The following CCNL2 variants were observed in gnomAD, a reference collection of about 807,000 sequenced individuals.
CCNL2 encodes cyclin L2, also known as cyclin-L2.
CCNL2 carries 28 observed loss-of-function variants against 59.1 expected under a neutral mutation model. The ratio of observed to expected loss-of-function variants is 0.47; its 90% confidence interval spans 0.35 to 0.65. CCNL2 has a LOEUF of 0.65. CCNL2 is among the 30% of genes least tolerant of loss of function. CCNL2 has a pLI of 0.00. For synonymous variants in CCNL2, 342 were observed against 288.6 expected (o/e 1.19, Z -1.88); for missense variants, 714 against 717.4 (o/e 1.00, Z 0.05).
chr1:1,397,740 C>T (rs1240744), intron 3 of CCNL2, among the ~76,000 whole-genome samples: 1 of 152,144 alleles, frequency 6.6e-6, no homozygotes, highest in Non-Finnish European at 1.5e-5. Context: ...TGGCGTGCTC[C>T]TATAGTCCCA....
chr1:1,387,613 T>C, intron 10 of CCNL2, 31 bp from the exon 11 acceptor site: 1 of 1,462,430 alleles, frequency 6.8e-7, no homozygotes, highest in Non-Finnish European at 9.1e-7. Flanking sequence ...ACCACACGTG[T>C]GACCATCTGG....
intron 4 of CCNL2, among the ~76,000 whole-genome samples, chr1:1,394,328 T>A (rs1644901327): frequency 6.6e-6 from 1 of 152,156 alleles, no homozygotes; most frequent in Non-Finnish European, 1.5e-5. Flanking sequence ...TGAGGGACCG[T>A]GTCACGGCCA....
chr1:1,387,108 T>C lies in CCNL2; in HGVS notation c.*123A>G, dbSNP rs922642554. The stretch of plus-strand genomic sequence containing the variant: ...ACAGACATTTCCAAAAAGAATCCTG[T>C]TCTAGGACCACTTGCGCTGAGAGCA... On this transcript the variant is annotated 3_prime_UTR_variant, in exon 11 of 11. Coordinates refer to ENST00000400809, the MANE Select transcript of CCNL2 (RefSeq NM_030937.6). 1.2e-5 allele frequency: 9 copies of C among 724,188 alleles called. No homozygotes were observed. Among genetic ancestry groups the C allele is most frequent in the South Asian group, 7.2e-5 (4 of 55,904 alleles). The allele number at this position is 724,188 out of a possible 1,614,324, so 44.9% of individuals were successfully genotyped here. A position where few individuals can be genotyped will look rare whatever the true frequency, so the allele number is the denominator to read the frequency against.
At position 1,399,079 on chromosome 1, in the gene CCNL2, G is replaced by T. The variant is rs1478088222; in HGVS notation, c.228C>A (p.Asp76Glu). 6.2e-7 allele frequency: 1 copy of T among 1,611,436 alleles called. No homozygotes were observed. The highest frequency in any genetic ancestry group is 8.5e-7 in the Non-Finnish European group (1 of 1,179,322). Residue 76 changes from aspartate to glutamate, a missense_variant, in exon 1 of 11, where the codon GAC (aspartate) becomes GAA (glutamate). Physicochemically the swap from Asp to Glu is conservative, Grantham distance 45 (BLOSUM62 2). Around this residue, in one of 5 missense-constraint regions of CCNL2, gnomAD observed 270 missense variants for 254.9 expected, o/e 1.06. Coordinates refer to ENST00000400809, the MANE Select transcript of CCNL2 (RefSeq NM_030937.6). ...SSGLDTDTET[D>E]LRVVGCELIQ... ...TGAGCTCGCAGCCCACCACGCGGAG[G>T]TCGGTCTCTGTGTCGGTGTCGAGGC...
chr1:1,387,696 C>CCA, intron 10 of CCNL2, 81 bp downstream of exon 10: 1 of 1,452,732 alleles, frequency 6.9e-7, no homozygotes, highest in South Asian at 1.2e-5. Context: ...AAACAAGAAA[C>CCA]CACCTCAGGG....
chr1:1,390,318 TTCGA>T lies in CCNL2; in HGVS notation c.914_917del (p.Ile305LysfsTer47). ...GGCCCCGGGCTTGGGCCTTTGCCTC[TTCGA>T]TAGCGTGCTTTCTTTTTTCCACTTC... On this transcript the variant is annotated frameshift_variant, in exon 8 of 11. Transcript: ENST00000400809. LOFTEE classifies it high-confidence loss of function. 6.2e-7 allele frequency: 1 copy of T among 1,613,996 alleles called. No homozygotes were observed. The highest frequency in any genetic ancestry group is 8.5e-7 in the Non-Finnish European group (1 of 1,179,912).
rs1465292811 is a variant in CCNL2, at chr1:1,386,577, T to G, written c.*654A>C. On this transcript the variant is annotated 3_prime_UTR_variant, in exon 11 of 11. Transcript: ENST00000400809. ...CTATTTAGGAGCTGGTGGCCTGCAC[T>G]CAGCACCGCACAGATAAAAATATAC... The G allele has an allele frequency of 6.6e-6, 1 of 152,612 alleles. No homozygotes were observed. Among genetic ancestry groups the G allele is most frequent in the African/African-American group, 2.4e-5 (1 of 41,450 alleles). 9.5% of individuals were successfully genotyped at this position (152,612 alleles called of 1,614,324 possible).
chr1:1,395,383 C>T lies in CCNL2; in HGVS notation c.594+11G>A, dbSNP rs373228349. ...CTAGGCGGGCTCGCAGGGCAGGAGC[C>T]GCACACCCACCTTATGAGGATGCTT... On this transcript the variant is annotated intron_variant, in intron 4 of 10. Transcript: ENST00000400809. The T allele has an allele frequency of 1.7e-5, 27 of 1,613,820 alleles. No homozygotes were observed. Among genetic ancestry groups the T allele is most frequent in the Non-Finnish European group, 2.2e-5 (26 of 1,179,928 alleles).
rs1644964244 is a variant in CCNL2 at position 1,395,409 on chromosome 1, C to T, written c.579G>A (p.Val193=). ...VLKELGFCVH[V]KHPHKIIVMY... is the part of the protein sequence containing the mutation. Reference sequence around the variant, plus strand: ...GCACACCCACCTTATGAGGATGCTTCACATGGACGCAGAAACCCAACTCTT... The same window carrying T: ...GCACACCCACCTTATGAGGATGCTTTACATGGACGCAGAAACCCAACTCTT... Residue 193 remains valine, a synonymous_variant, in exon 4 of 11, where the codon GTG becomes GTA. Transcript: ENST00000400809. The T allele has an allele frequency of 1.2e-6, 2 of 1,614,080 alleles. No individual in the cohort carries two copies. Among genetic ancestry groups the T allele is most frequent in the South Asian group, 2.2e-5 (2 of 91,094 alleles).
intron 8 of CCNL2, 96 bp downstream of exon 8, chr1:1,390,132 AAT>A: frequency 1.0e-4 from 120 of 1,188,350 alleles, no homozygotes; most frequent in Admixed American, 9.2e-4. Context: ...AAAAAAAAAA[AAT>A]GTCTGGAAGG....
chr1:1,390,434 G>C lies in CCNL2; in HGVS notation c.864+25C>G, dbSNP rs752789745. The C allele has an allele frequency of 3.1e-6, 5 of 1,612,378 alleles. No individual in the cohort carries two copies. The East Asian group carries it at 6.7e-5, about 22-fold the overall frequency. ...TTTCTGGCCAAACACAAACGCATAC[G>C]TTACATGAAAAAATGCCGAAGAACC... On this transcript the variant is annotated intron_variant, in intron 7 of 10. Transcript: ENST00000400809.
chr1:1,387,901 A>G (rs1393731045), intron 9 of CCNL2, 32 bp from the exon 10 acceptor site: 1 of 1,613,640 alleles, frequency 6.2e-7, no homozygotes, highest in Non-Finnish European at 8.5e-7. Context: ...GTTACAAAGC[A>G]GAAGTCCCTC....
intron 3 of CCNL2, among the ~76,000 whole-genome samples, chr1:1,397,383 C>T (rs1020463687): frequency 2.6e-5 from 4 of 152,200 alleles, no homozygotes; most frequent in Non-Finnish European, 5.9e-5. Context: ...CAGCCTCAAT[C>T]TCCTGGCCTC....
chr1:1,386,920 C>T lies in CCNL2; in HGVS notation c.*311G>A, dbSNP rs537413450. The stretch of plus-strand genomic sequence containing the variant: ...GATAGCACCAGGCCATGCCAGGCCA[C>T]GCCAACAAGGGCGTGTGCATTCACT... On this transcript the variant is annotated 3_prime_UTR_variant, in exon 11 of 11. Transcript: ENST00000400809. 2.2e-5 allele frequency: 7 copies of T among 321,802 alleles called. No individual in the cohort carries two copies. Among genetic ancestry groups the T allele is most frequent in the East Asian group, 5.1e-5 (1 of 19,764 alleles). 19.9% of individuals were successfully genotyped at this position (321,802 alleles called of 1,614,324 possible).
chr1:1,398,247 C>G lies in CCNL2; in HGVS notation c.459G>C (p.Gln153His). 1 of 1,614,036 alleles carries G rather than the reference C, an allele frequency of 6.2e-7. No homozygotes were observed. The highest frequency in any genetic ancestry group is 8.5e-7 in the Non-Finnish European group (1 of 1,179,998). Residue 153 changes from glutamine (Q) to histidine (H), a missense_variant, in exon 3 of 11, where the codon CAG becomes CAC. Physicochemically the swap from Gln to His is conservative, Grantham distance 24 (BLOSUM62 0). This residue lies in a region of CCNL2 where 270 missense variants were observed against 254.9 expected (regional missense o/e 1.06). Transcript: ENST00000400809. The stretch of plus-strand genomic sequence containing the variant: ...GACTGACTCACTTTTTGTCTCTCAG[C>G]TGTCGAAGGCGGTGAAACACATTGA... ...DVINVFHRLR[Q>H]LRDKKKPVPL...
At chr1:1,393,184 G>A in intron 5 of CCNL2, 1 of 592,660 alleles carries the variant, frequency 1.7e-6, no homozygotes, top group Non-Finnish European at 3.0e-6. Flanking sequence ...AGGAAGTCCA[G>A]GCTTGCAGGG....
At chr1:1,394,111 C>A (rs536268794) in intron 4 of CCNL2, among the ~76,000 whole-genome samples, 2 of 146,680 alleles carry the variant, frequency 1.4e-5, no homozygotes, top group African/African-American at 2.5e-5. Flanking sequence ...GACAACAGAG[C>A]GAGATTCCGT....
At chr1:1,392,301 T>C (rs1361888786) in intron 5 of CCNL2, 6 of 970,544 alleles carry the variant, frequency 6.2e-6, no homozygotes, top group Non-Finnish European at 7.4e-6. Context: ...TATAAACTTA[T>C]TGCTGTATTT....
chr1:1,385,943 A>G lies in CCNL2; in HGVS notation c.*1288T>C, dbSNP rs1644440902. ...GAGGGGGGGTCCCACCAGCTATCTAATGCAGGATTCCATCAAAAAAGTCAT... is the reference window on the plus strand; with the variant it reads ...GAGGGGGGGTCCCACCAGCTATCTAGTGCAGGATTCCATCAAAAAAGTCAT... On this transcript the variant is annotated 3_prime_UTR_variant, in exon 11 of 11. Coordinates refer to ENST00000400809, the MANE Select transcript of CCNL2 (RefSeq NM_030937.6). 6.6e-6 allele frequency: 1 copy of G among 152,098 alleles called. No individual in the cohort carries two copies. Among genetic ancestry groups the G allele is most frequent in the Non-Finnish European group, 1.5e-5 (1 of 68,032 alleles). The allele number at this position is 152,098 out of a possible 1,614,324, so 9.4% of individuals were successfully genotyped here.
Sources: gnomAD v4.1 joint callset for allele counts (sites outside exome capture counted in the v4.1 genomes callset) on GRCh38, gnomAD v4.1.1 for gene constraint, gnomAD v4.1.1 regional missense constraint, MANE v1.5 for transcripts, NCBI Gene and HGNC (gene_info 2026-07-23, HGNC 2026-07-21) for gene names.